Variants in KHSRP observed in about 807,000 individuals in gnomAD.
The protein encoded by KHSRP is far upstream element-binding protein 2.
KHSRP carries 13 observed loss-of-function variants against 94.9 expected under a neutral mutation model. The observed-to-expected ratio is 0.14, with a 90% CI of 0.09 to 0.22. The LOEUF is 0.22. KHSRP is among the 10% of genes least tolerant of loss of function. KHSRP has a pLI of 1.00. For synonymous variants in KHSRP, 495 were observed against 401.4 expected (o/e 1.23, Z -2.79); for missense variants, 710 against 1,010.0 (o/e 0.70, Z 4.03).
At chr19:6,419,022 C>G in intron 7 of KHSRP, 146 bp from the exon 8 acceptor site, 2 of 1,122,224 alleles carry the variant, frequency 1.8e-6, no homozygotes, top group Non-Finnish European at 2.5e-6. Context: ...GCTGTTCAGG[C>G]TCCAGGTTCC....
intron 1 of KHSRP, among the ~76,000 whole-genome samples, chr19:6,423,077 C>T (rs924535184): frequency 6.6e-6 from 1 of 152,114 alleles, no homozygotes; most frequent in Non-Finnish European, 1.5e-5. Context: ...CTCAGGAGTT[C>T]GAGACAGACT....
chr19:6,422,873 T>G (rs2092203392), intron 1 of KHSRP, among the ~76,000 whole-genome samples: 1 of 152,128 alleles, frequency 6.6e-6, no homozygotes, highest in South Asian at 2.1e-4. Flanking sequence ...GCTGAAGAGT[T>G]CAATTTTCCC....
intron 6 of KHSRP, among the ~76,000 whole-genome samples, chr19:6,419,554 G>A (rs1238852709): frequency 1.3e-5 from 2 of 152,156 alleles, no homozygotes; most frequent in Admixed American, 6.5e-5. Context: ...GACCAGAGCC[G>A]CTTCTATAGA....
rs959847825 is a variant in KHSRP at position 6,418,269 on chromosome 19, A to C, written c.880-190T>G. Among the ~76,000 whole-genome samples the C allele has an allele frequency of 6.6e-6, 1 of 152,156 alleles. No individual in the cohort carries two copies. The highest frequency in any genetic ancestry group is 1.5e-5 in the Non-Finnish European group (1 of 67,998). On this transcript the variant is annotated intron_variant, in intron 9 of 18. Coordinates refer to ENST00000600480, the MANE Select transcript of KHSRP (RefSeq NM_001366299.1). This position sits in a 1 kb window ranked among gnomAD's most constrained non-coding sequence, Gnocchi z 4.3. ...CAGCAGCCCCGTTTCCAGATAAAAAAGCAGAAGGTCAGAGGTGAGGCCGGT... is the reference window on the plus strand; with the variant it reads ...CAGCAGCCCCGTTTCCAGATAAAAACGCAGAAGGTCAGAGGTGAGGCCGGT...
In KHSRP at chr19:6,420,062, C is replaced by T. The variant is rs769668341; in HGVS notation, c.547+11G>A. On this transcript the variant is annotated intron_variant, in intron 6 of 18. Transcript: ENST00000600480. ...GGCCCCCACTCTGGCAGGAACCTGA[C>T]GCTCTTATACCTGGAGAAATCTGTA... The T allele has an allele frequency of 1.1e-5, 17 of 1,608,368 alleles. No homozygotes were observed. The East Asian group carries it at 2.5e-4, about 23-fold the overall frequency.
chr19:6,418,965 AC>A lies in KHSRP; in HGVS notation c.606-90del. 7.4e-7 allele frequency: 1 copy of A among 1,352,024 alleles called. No homozygotes were observed. The highest frequency in any genetic ancestry group is 9.8e-7 in the Non-Finnish European group (1 of 1,017,110). The allele number at this position is 1,352,024 out of a possible 1,614,324, so 83.8% of individuals were successfully genotyped here. On this transcript the variant is annotated intron_variant, in intron 7 of 18. Coordinates refer to ENST00000600480, the MANE Select transcript of KHSRP (RefSeq NM_001366299.1). This position sits in a 1 kb window ranked among gnomAD's most constrained non-coding sequence, Gnocchi z 4.3. ...GCCCACCCAGCTCAAAGGGAAGGCG[AC>A]CCCAGAGTGTGCAAGGATGACAGGG... is the stretch of plus-strand genomic sequence containing the variant.
In KHSRP at chr19:6,418,573, A is replaced by G. The variant is rs374062788; in HGVS notation, c.789T>C (p.Ala263=). The change falls in exon 9 of 19, where the codon GCT becomes GCC. Residue 263 remains alanine (A), a synonymous_variant. Coordinates refer to ENST00000600480, the MANE Select transcript of KHSRP (RefSeq NM_001366299.1). The surrounding 1 kb of genome is among the most constrained non-coding windows in gnomAD (Gnocchi z 4.3). ...CCTGAATTAAGATCATCTTCACTCC[A>G]GCGCGTTCCTTTACAAGCAAGGTTA... ...GETIKQLQER[A]GVKMILIQDG... 9.9e-5 allele frequency: 159 copies of G among 1,613,740 alleles called. No homozygotes were observed. Among genetic ancestry groups the G allele is most frequent in the South Asian group, 2.9e-4 (26 of 91,084 alleles).
rs756297304 is a variant in KHSRP, at chr19:6,415,374, A to G, written c.1966+6T>C. The G allele has an allele frequency of 1.5e-5, 24 of 1,605,782 alleles. No individual in the cohort carries two copies. Among genetic ancestry groups the G allele is most frequent in the Non-Finnish European group, 2.0e-5 (23 of 1,176,474 alleles). On this transcript the variant is annotated splice_donor_region_variant and intron_variant, in intron 18 of 18. Coordinates refer to ENST00000600480, the MANE Select transcript of KHSRP (RefSeq NM_001366299.1). ...CTGCCCCTGTCCCCGCATGGTGGCC[A>G]CTCACCTTGCTTCTTGTAGTACTCC...
At chr19:6,421,050 T>C in intron 4 of KHSRP, 1 of 573,868 alleles carries the variant, frequency 1.7e-6, no homozygotes, top group Non-Finnish European at 3.1e-6. Flanking sequence ...GACCACCCTA[T>C]CACTACAGTG....
chr19:6,413,361 CATTT>C lies in KHSRP; in HGVS notation c.*1659_*1662del, dbSNP rs1406457700. 8 of 391,092 alleles carry C rather than the reference CATTT, an allele frequency of 2.0e-5. No individual in the cohort carries two copies. Among genetic ancestry groups the C allele is most frequent in the Non-Finnish European group, 3.5e-5 (7 of 197,644 alleles). 24.2% of individuals were successfully genotyped at this position (391,092 alleles called of 1,614,324 possible). On this transcript the variant is annotated 3_prime_UTR_variant, in exon 19 of 19. Coordinates refer to ENST00000600480, the MANE Select transcript of KHSRP (RefSeq NM_001366299.1). ...CCCGCAGACGGGGAGGTTTTGTTAT[CATTT>C]ATTTGTGAAGTTAAAAACGAGCGAT...
chr19:6,418,880 G>A lies in KHSRP; in HGVS notation c.606-4C>T, dbSNP rs2092174810. On this transcript the variant is annotated splice_polypyrimidine_tract_variant and splice_region_variant and intron_variant, in intron 7 of 18. Coordinates refer to ENST00000600480, the MANE Select transcript of KHSRP (RefSeq NM_001366299.1). The surrounding 1 kb of genome is among the most constrained non-coding windows in gnomAD (Gnocchi z 4.3). ...ATCCAGCATCATCTTGGCTTTCCTG[G>A]GAAGGGGAGGAGCGGGGGATGAGCG... is the stretch of plus-strand genomic sequence containing the variant. The A allele has an allele frequency of 1.9e-6, 3 of 1,540,794 alleles. No homozygotes were observed. Among genetic ancestry groups the A allele is most frequent in the Non-Finnish European group, 2.6e-6 (3 of 1,148,926 alleles).
rs1555725658 is a variant in KHSRP, at chr19:6,413,144, A to AAGG, written c.*1879_*1880insCCT. ...GCACTTTATTTAACAAAAAAAAAAA[A>AAGG]GGGGGGGGGGCACGGTTAGGAAAGC... On this transcript the variant is annotated 3_prime_UTR_variant, in exon 19 of 19. Coordinates refer to ENST00000600480, the MANE Select transcript of KHSRP (RefSeq NM_001366299.1). Among the ~76,000 whole-genome samples the AAGG allele has an allele frequency of 4.3e-5, 5 of 117,206 alleles. No individual in the cohort carries two copies. Among genetic ancestry groups the AAGG allele is most frequent in the Non-Finnish European group, 6.7e-5 (4 of 59,744 alleles). 76.9% of individuals were successfully genotyped at this position (117,206 alleles called of 152,430 possible).
rs757911462 is a variant in KHSRP, at chr19:6,414,265, C to CGTGCTTGTT, written c.*750_*758dup. The CGTGCTTGTT allele has an allele frequency of 1.4e-6, 2 of 1,457,428 alleles. No individual in the cohort carries two copies. Among genetic ancestry groups the CGTGCTTGTT allele is most frequent in the South Asian group, 1.4e-5 (1 of 69,686 alleles). 90.3% of individuals were successfully genotyped at this position (1,457,428 alleles called of 1,614,324 possible). Reference sequence around the variant, plus strand: ...CCTGCGCTGGCTCAGGCTGGAAGGACGTGCTTGTTAACTGTCTAGCCAGGT... The same window carrying CGTGCTTGTT: ...CCTGCGCTGGCTCAGGCTGGAAGGACGTGCTTGTTGTGCTTGTTAACTGTCTAGCCAGGT... On this transcript the variant is annotated 3_prime_UTR_variant, in exon 19 of 19. Coordinates refer to ENST00000600480, the MANE Select transcript of KHSRP (RefSeq NM_001366299.1).
At position 6,414,907 on chromosome 19, in the gene KHSRP, A is replaced by G; in HGVS notation, c.*117T>C. On this transcript the variant is annotated 3_prime_UTR_variant, in exon 19 of 19. Transcript: ENST00000600480. ...CAGCATCACGACAGCGGCACACAGG[A>G]ACAAGCAGCCGGCGCAGGGAGGCCT... The G allele has an allele frequency of 7.2e-7, 1 of 1,389,968 alleles. No homozygotes were observed. Among genetic ancestry groups the G allele is most frequent in the Non-Finnish European group, 9.3e-7 (1 of 1,076,752 alleles). The allele number at this position is 1,389,968 out of a possible 1,614,324, so 86.1% of individuals were successfully genotyped here. A position where few individuals can be genotyped will look rare whatever the true frequency, so the allele number is the denominator to read the frequency against.
chr19:6,421,263 C>T lies in KHSRP; in HGVS notation c.425+15G>A, dbSNP rs1487501287. ...CAACAGACAAGAAAGCAGTGTGGGC[C>T]CCACCATGGCTTACCTTGGGGGAGG... is the stretch of plus-strand genomic sequence containing the variant. On this transcript the variant is annotated intron_variant, in intron 4 of 18. Coordinates refer to ENST00000600480, the MANE Select transcript of KHSRP (RefSeq NM_001366299.1). 1.4e-5 allele frequency: 22 copies of T among 1,579,452 alleles called. No individual in the cohort carries two copies. The highest frequency in any genetic ancestry group is 1.7e-5 in the Non-Finnish European group (20 of 1,162,946).
At position 6,415,363 on chromosome 19, in the gene KHSRP, G is replaced by A. The variant is rs374771139; in HGVS notation, c.1966+17C>T. 1.5e-4 allele frequency: 241 copies of A among 1,608,974 alleles called. No individual in the cohort carries two copies. In the African/African-American group the frequency reaches 1.7e-3, roughly 11 times the overall value. On this transcript the variant is annotated intron_variant, in intron 18 of 18. Transcript: ENST00000600480. ...GAGGGCTGCCCCTGCCCCTGTCCCC[G>A]CATGGTGGCCACTCACCTTGCTTCT...
intron 1 of KHSRP, among the ~76,000 whole-genome samples, chr19:6,423,637 G>A (rs1237426157): frequency 1.3e-5 from 2 of 152,200 alleles, no homozygotes; most frequent in African/African-American, 2.4e-5. Context: ...GAACACAGGC[G>A]TTCACTTAAC....
At chr19:6,420,049 G>A in intron 6 of KHSRP, 24 bp downstream of exon 6, 7 of 1,589,122 alleles carry the variant, frequency 4.4e-6, no homozygotes, top group Non-Finnish European at 5.2e-6. Flanking sequence ...CCCCCACTCT[G>A]GCAGGAACCT....
At chr19:6,420,239 G>T (rs560744059) in intron 5 of KHSRP, 95 bp from the exon 6 acceptor site, 2 of 1,217,576 alleles carry the variant, frequency 1.6e-6, no homozygotes, top group East Asian at 2.5e-5. Flanking sequence ...CCCCTCTGAC[G>T]TTCAGGAGGG....
Sources: allele counts gnomAD v4.1 joint callset (sites outside exome capture counted in the v4.1 genomes callset), GRCh38; gene constraint gnomAD v4.1.1; non-coding constraint Gnocchi (gnomAD v3.1); transcripts MANE v1.5; gene names NCBI Gene and HGNC (gene_info 2026-07-23, HGNC 2026-07-21).